NKPD1: variants seen among roughly 807,000 people sequenced by gnomAD.
The protein encoded by NKPD1 is NTPase KAP family P-loop domain containing 1, also known as NTPase KAP family P-loop domain-containing protein 1.
In NKPD1, 37 loss-of-function variants were observed where a neutral mutation model predicts 42.2. The observed-to-expected ratio is 0.88, with a 90% CI of 0.67 to 1.15. NKPD1 has a LOEUF of 1.15. Among genes scored for constraint, NKPD1 ranks in the 50% most tolerant of loss-of-function variants. The pLI is 0.00. For synonymous variants in NKPD1, 552 were observed against 536.5 expected, an observed-to-expected ratio of 1.03 and a Z score of -0.40; for missense variants, 1,113 against 1,174.6, an observed-to-expected ratio of 0.95 and a Z score of 0.77.
chr19:45,162,331 C>G (rs1456799621), upstream of NKPD1, among the ~76,000 whole-genome samples: 1 of 152,158 alleles, frequency 6.6e-6, no homozygotes, highest in Non-Finnish European at 1.5e-5. Flanking sequence ...CAGGGCCTGA[C>G]GGGGTGACTG....
chr19:45,162,549 A>C (rs2122810750), upstream of NKPD1, among the ~76,000 whole-genome samples: 1 of 152,210 alleles, frequency 6.6e-6, no homozygotes, highest in South Asian at 2.1e-4. Context: ...AGGGACGGGC[A>C]GCAGGAGTGC....
Position 45,150,480 on chromosome 19 carries a change from G to T in NKPD1, c.*1458C>A, listed in dbSNP as rs1968757548. ...CCCAACTGAAACTGGCTTAAGGGAG[G>T]CTACAGGGATATATTGACCCCAACC... On this transcript the variant is annotated 3_prime_UTR_variant, in exon 5 of 5. Coordinates refer to ENST00000686631, the MANE Select transcript of NKPD1 (RefSeq NM_198478.4). The T allele has an allele frequency of 6.6e-6, 1 of 152,136 alleles. No homozygotes were observed. The highest frequency in any genetic ancestry group is 6.5e-5 in the Admixed American group (1 of 15,270). 9.4% of individuals were successfully genotyped at this position (152,136 alleles called of 1,614,324 possible). A position where few individuals can be genotyped will look rare whatever the true frequency, so the allele number is the denominator to read the frequency against.
intron 1 of NKPD1, among the ~76,000 whole-genome samples, 96 bp downstream of exon 1, chr19:45,160,829 G>A (rs1246182700): frequency 1.3e-5 from 2 of 152,108 alleles, no homozygotes; most frequent in Non-Finnish European, 2.9e-5. Flanking sequence ...GTGGGGGACA[G>A]GGATAGGGAA....
rs996820437 is a variant in NKPD1, at chr19:45,159,175, T to C, written c.92-75A>G. 2.5e-6 allele frequency: 3 copies of C among 1,215,544 alleles called. 1 individual carries two copies. Among genetic ancestry groups the C allele is most frequent in the Admixed American group, 7.2e-5 (2 of 27,612 alleles). 75.3% of individuals were successfully genotyped at this position (1,215,544 alleles called of 1,614,324 possible). A position where few individuals can be genotyped will look rare whatever the true frequency, so the allele number is the denominator to read the frequency against. On this transcript the variant is annotated intron_variant, in intron 2 of 4. Transcript: ENST00000686631. Reference sequence around the variant, plus strand: ...GGGCACCGGCACAAGCCAGACCAAGTCTTCAGGTAGAACCTGGGGGCCAGA... The same window carrying C: ...GGGCACCGGCACAAGCCAGACCAAGCCTTCAGGTAGAACCTGGGGGCCAGA...
In NKPD1 at chr19:45,159,031, T is replaced by TG. The variant is rs1482139467; in HGVS notation, c.160dup (p.Gln54ProfsTer105). 1 of 1,300,632 alleles carries TG rather than the reference T, an allele frequency of 7.7e-7. No individual in the cohort carries two copies. Among genetic ancestry groups the TG allele is most frequent in the South Asian group, 1.2e-5 (1 of 80,632 alleles). The allele number at this position is 1,300,632 out of a possible 1,614,324, so 80.6% of individuals were successfully genotyped here. ...GTGGTAGGCCAGCTGCCAGTGTGATTGGGGGGAAGGCCGACAGGGCCCATG... is the reference window on the plus strand; with the variant it reads ...GTGGTAGGCCAGCTGCCAGTGTGATTGGGGGGGAAGGCCGACAGGGCCCATG... On this transcript the variant is annotated frameshift_variant, in exon 3 of 5. Transcript: ENST00000686631. LOFTEE classifies it high-confidence loss of function.
intron 2 of NKPD1, among the ~76,000 whole-genome samples, chr19:45,159,674 G>A (rs1427793368): frequency 1.3e-5 from 2 of 152,102 alleles, no homozygotes; most frequent in African/African-American, 2.4e-5. Flanking sequence ...CCCTGAACAA[G>A]ATCACCTGTG....
chr19:45,159,097 C>T lies in NKPD1; in HGVS notation c.95G>A (p.Cys32Tyr). 1 of 1,280,920 alleles carries T rather than the reference C, an allele frequency of 7.8e-7. No homozygotes were observed. The highest frequency in any genetic ancestry group is 1.0e-6 in the Non-Finnish European group (1 of 982,994). The allele number at this position is 1,280,920 out of a possible 1,614,324, so 79.3% of individuals were successfully genotyped here. The change falls in exon 3 of 5, where the codon TGC (cysteine) becomes TAC (tyrosine). Residue 32 changes from cysteine to tyrosine, a missense_variant. Transcript: ENST00000686631. ...TGAGTCCTGGCGCCACTGATGACAG[C>T]ATCCTGGAAGGAAGGAAGTGGGGGT... Reference protein sequence around the residue: ...WDPELGHRKGCCHQWRQDSAA... With the variant: ...WDPELGHRKGYCHQWRQDSAA...
rs1453956893 is a variant in NKPD1 at position 45,153,447 on chromosome 19, G to T, written c.990C>A (p.Cys330Ter). Residue 330 changes from cysteine to a stop codon, truncating the protein, a stop_gained, in exon 5 of 5, where the codon TGC becomes TGA. Transcript: ENST00000686631. LOFTEE classifies it high-confidence loss of function. ...GGCGCCGACAATGCCACTCGCTCTG[G>T]CAGCAGTCCTGCCTGGTGGCCGGCT... ...GNKPATRQDC[C>*]QSEWHCRRRV... 3.9e-6 allele frequency: 6 copies of T among 1,548,934 alleles called. No homozygotes were observed. The highest frequency in any genetic ancestry group is 1.9e-5 in the Admixed American group (1 of 51,550).
At chr19:45,161,441 C>T (rs34237708), upstream of NKPD1, among the ~76,000 whole-genome samples, 1 of 152,226 alleles carries the variant, frequency 6.6e-6, no homozygotes, top group African/African-American at 2.4e-5. Flanking sequence ...TGGCGCTGTT[C>T]TAAATGGATG....
At chr19:45,162,837 A>C, upstream of NKPD1, 1 of 212,776 alleles carries the variant, frequency 4.7e-6, no homozygotes. Flanking sequence ...AGGGGAGGGA[A>C]GGTCTGAGGG....
chr19:45,160,095 T>C lies in NKPD1; in HGVS notation c.56A>G (p.His19Arg). 7.7e-7 allele frequency: 1 copy of C among 1,304,826 alleles called. No homozygotes were observed. Among genetic ancestry groups the C allele is most frequent in the Non-Finnish European group, 1.0e-6 (1 of 988,632 alleles). 80.8% of individuals were successfully genotyped at this position (1,304,826 alleles called of 1,614,324 possible). The change falls in exon 2 of 5, where the codon CAC becomes CGC. Residue 19 changes from histidine to arginine, a missense_variant. This residue lies in a region of NKPD1 where 204 missense variants were observed against 227.8 expected (regional missense o/e 0.90). Transcript: ENST00000686631. ...CCCCAACTCTGGGTCCCAGAAGTAG[T>C]GCCCGTTGGGGCTCTGGGCATCCTT... is the stretch of plus-strand genomic sequence containing the variant. ...FAKDAQSPNG[H>R]YFWDPELGHR...
At position 45,155,817 on chromosome 19, in the gene NKPD1, C is replaced by T. The variant is rs1244146101; in HGVS notation, c.629G>A (p.Cys210Tyr). ...VTVGFYAPFG[C>Y]RLHMMLDKIT... is the part of the protein sequence containing the mutation. ...CTTGTCCAGCATCATGTGCAGGCGG[C>T]AGCCGAAAGGGGCATAGAAACCCAC... Residue 210 changes from cysteine to tyrosine, a missense_variant, in exon 4 of 5, where the codon TGC becomes TAC. Physicochemically the swap from Cys to Tyr is radical, Grantham distance 194 (BLOSUM62 -2). Around this residue, in one of 3 missense-constraint regions of NKPD1, gnomAD observed 42 missense variants for 76.7 expected, o/e 0.55. Transcript: ENST00000686631. 1 of 1,305,246 alleles carries T rather than the reference C, an allele frequency of 7.7e-7. No homozygotes were observed. Among genetic ancestry groups the T allele is most frequent in the East Asian group, 5.5e-5 (1 of 18,024 alleles). The allele number at this position is 1,305,246 out of a possible 1,614,324, so 80.9% of individuals were successfully genotyped here.
rs1374542735 is a variant in NKPD1 at position 45,152,748 on chromosome 19, C to T, written c.1689G>A (p.Pro563=). 1 of 1,595,706 alleles carries T rather than the reference C, an allele frequency of 6.3e-7. No individual in the cohort carries two copies. The highest frequency in any genetic ancestry group is 8.5e-7 in the Non-Finnish European group (1 of 1,173,116). ...YREMTRKPWL[P]GDAGGESAQL... ...GCGCGCTCTCGCCCCCGGCGTCCCC[C>T]GGCAGCCACGGCTTGCGCGTCATCT... is the stretch of plus-strand genomic sequence containing the variant. Residue 563 remains proline (P), a synonymous_variant, in exon 5 of 5, where the codon CCG becomes CCA. Transcript: ENST00000686631.
In NKPD1 at chr19:45,150,661, GCCCAGC is replaced by G. The variant is rs1443507434; in HGVS notation, c.*1271_*1276del. The G allele has an allele frequency of 6.6e-6, 1 of 152,312 alleles. No individual in the cohort carries two copies. The highest frequency in any genetic ancestry group is 2.4e-5 in the African/African-American group (1 of 41,456). The allele number at this position is 152,312 out of a possible 1,614,324, so 9.4% of individuals were successfully genotyped here. The stretch of plus-strand genomic sequence containing the variant: ...GGAATGGGAAACAGCACCTCTGCTT[GCCCAGC>G]CCCAGGGAAGATCATAGAGGGCTCC... On this transcript the variant is annotated 3_prime_UTR_variant, in exon 5 of 5. Transcript: ENST00000686631.
rs2122768644 is a variant in NKPD1 at position 45,150,553 on chromosome 19, C to T, written c.*1385G>A. The T allele has an allele frequency of 6.6e-6, 1 of 152,500 alleles. No homozygotes were observed. Among genetic ancestry groups the T allele is most frequent in the Non-Finnish European group, 1.5e-5 (1 of 68,152 alleles). The allele number at this position is 152,500 out of a possible 1,614,324, so 9.4% of individuals were successfully genotyped here. A position where few individuals can be genotyped will look rare whatever the true frequency, so the allele number is the denominator to read the frequency against. On this transcript the variant is annotated 3_prime_UTR_variant, in exon 5 of 5. Coordinates refer to ENST00000686631, the MANE Select transcript of NKPD1 (RefSeq NM_198478.4). Reference sequence around the variant, plus strand: ...AACGGTGTCACGAGGCCCCATCCTTCTCCCTCTGAGGCCAGCTCTCCCTGA... The same window carrying T: ...AACGGTGTCACGAGGCCCCATCCTTTTCCCTCTGAGGCCAGCTCTCCCTGA...
At position 45,155,849 on chromosome 19, in the gene NKPD1, A is replaced by G. The variant is rs1968892804; in HGVS notation, c.597T>C (p.Pro199=). Reference sequence around the variant, plus strand: ...AAGGGGCATAGAAACCCACGGTCACAGGGACCGGCACGTGGCAGAGTGTCT... The same window carrying G: ...AAGGGGCATAGAAACCCACGGTCACGGGGACCGGCACGTGGCAGAGTGTCT... ...LAKTLCHVPV[P]VTVGFYAPFG... is the part of the protein sequence containing the mutation. The change falls in exon 4 of 5, where the codon CCT becomes CCC. Residue 199 remains proline (P), a synonymous_variant. Transcript: ENST00000686631. 2.3e-6 allele frequency: 3 copies of G among 1,305,372 alleles called. No individual in the cohort carries two copies. Among genetic ancestry groups the G allele is most frequent in the East Asian group, 5.5e-5 (1 of 18,036 alleles). The allele number at this position is 1,305,372 out of a possible 1,614,324, so 80.9% of individuals were successfully genotyped here. A position where few individuals can be genotyped will look rare whatever the true frequency, so the allele number is the denominator to read the frequency against.
At position 45,151,929 on chromosome 19, in the gene NKPD1, G is replaced by A. The variant is rs575884785; in HGVS notation, c.*9C>T. 1.9e-6 allele frequency: 3 copies of A among 1,539,236 alleles called. No homozygotes were observed. Among genetic ancestry groups the A allele is most frequent in the Non-Finnish European group, 2.6e-6 (3 of 1,140,644 alleles). ...ACCCTTGCCTCCTGCTGCCCGCCAA[G>A]TCCTCCATTTAAGGCCCACCTGGGC... is the stretch of plus-strand genomic sequence containing the variant. On this transcript the variant is annotated 3_prime_UTR_variant, in exon 5 of 5. Coordinates refer to ENST00000686631, the MANE Select transcript of NKPD1 (RefSeq NM_198478.4).
At chr19:45,161,028 C>T (rs1210268771), upstream of NKPD1, among the ~76,000 whole-genome samples, 1 of 152,192 alleles carries the variant, frequency 6.6e-6, no homozygotes, top group East Asian at 1.9e-4. Context: ...CAGCCCAGTG[C>T]CCGCCTGACC....
chr19:45,155,512 A>T (rs1479353385), intron 4 of NKPD1, among the ~76,000 whole-genome samples: 1 of 152,230 alleles, frequency 6.6e-6, no homozygotes, highest in South Asian at 2.1e-4. Context: ...GGGAGCATGG[A>T]AGGCACCAAG....
Sources: gnomAD v4.1 joint callset for allele counts (sites outside exome capture counted in the v4.1 genomes callset) on GRCh38, gnomAD v4.1.1 for gene constraint, gnomAD v4.1.1 regional missense constraint, MANE v1.5 for transcripts, NCBI Gene and HGNC (gene_info 2026-07-23, HGNC 2026-07-21) for gene names.